PRKCA: variants seen among roughly 807,000 people sequenced by gnomAD.
PRKCA encodes the protein protein kinase C alpha type.
Under a neutral mutation model 87.0 loss-of-function variants are expected in PRKCA, and 27 were observed. That is an observed-to-expected ratio of 0.31 (90% CI 0.23 to 0.43). The LOEUF is 0.43. PRKCA is among the 20% of genes least tolerant of loss of function. PRKCA has a pLI of 1.00. For synonymous variants in PRKCA, 329 were observed against 311.1 expected (o/e 1.06, Z -0.61); for missense variants, 518 against 852.3 (o/e 0.61, Z 4.88).
At chr17:66,434,678 T>A (rs889867035) in intron 2 of PRKCA, among the ~76,000 whole-genome samples, 9 of 152,178 alleles carry the variant, frequency 5.9e-5, no homozygotes, top group Non-Finnish European at 1.3e-4. Context: ...AATGTGGCCT[T>A]GGAGTCAGAT....
intron 2 of PRKCA, among the ~76,000 whole-genome samples, chr17:66,386,813 A>C (rs1173295052): frequency 6.6e-6 from 1 of 151,872 alleles, no homozygotes; most frequent in East Asian, 1.9e-4. Context: ...TTTTCTTTTA[A>C]TGTAAGGCTT....
Position 66,323,705 on chromosome 17 carries a change from C to T in PRKCA, c.205+17578C>T, listed in dbSNP as rs532914235. On this transcript the variant is annotated intron_variant, in intron 2 of 16. Transcript: ENST00000413366. ...CTGTAATCCCAGCACTTTGGGAGTC[C>T]GAGGCGGGTGGATCACCTGAGGCCA... 6.6e-5 allele frequency among the ~76,000 whole-genome samples: 10 copies of T among 152,014 alleles called. No homozygotes were observed. The East Asian group carries it at 1.4e-3, about 21-fold the overall frequency.
intron 2 of PRKCA, among the ~76,000 whole-genome samples, chr17:66,388,878 C>T (rs141248383): frequency 2.0e-4 from 31 of 152,286 alleles, no homozygotes; most frequent in Non-Finnish European, 3.5e-4. Context: ...GCATTTTATA[C>T]TCCAGTACGT....
At chr17:66,698,056 A>C (rs374176076) in intron 8 of PRKCA, among the ~76,000 whole-genome samples, 85 of 152,332 alleles carry the variant, frequency 5.6e-4, no homozygotes, top group African/African-American at 2.0e-3. Flanking sequence ...GAAAAGGATT[A>C]AGAAAGTCTC....
chr17:66,636,883 A>C (rs1971163539), intron 3 of PRKCA, among the ~76,000 whole-genome samples: 1 of 151,834 alleles, frequency 6.6e-6, no homozygotes, highest in African/African-American at 2.4e-5. Flanking sequence ...CTCATAGGAG[A>C]CTCTCTTGTT....
At chr17:66,491,578 C>T (rs1204172214) in intron 2 of PRKCA, among the ~76,000 whole-genome samples, 1 of 152,138 alleles carries the variant, frequency 6.6e-6, no homozygotes, top group African/African-American at 2.4e-5. Context: ...TCCTTTGCTT[C>T]ATATACCATG....
At chr17:66,425,270 A>G (rs1056928619) in intron 2 of PRKCA, among the ~76,000 whole-genome samples, 2 of 151,094 alleles carry the variant, frequency 1.3e-5, no homozygotes, top group African/African-American at 4.9e-5. Context: ...TTCTTCTCCC[A>G]CCTCCACCAA....
intron 3 of PRKCA, among the ~76,000 whole-genome samples, chr17:66,542,906 A>G (rs77023248): frequency 0.021 from 3,172 of 152,316 alleles, 49 homozygotes; most frequent in Non-Finnish European, 0.029. Flanking sequence ...TGATGAGTCA[A>G]TGAGGTATTT....
intron 2 of PRKCA, among the ~76,000 whole-genome samples, chr17:66,470,271 A>G (rs1915265889): frequency 1.4e-5 from 2 of 138,912 alleles, no homozygotes; most frequent in Admixed American, 7.7e-5. Flanking sequence ...ATCTCGGTTC[A>G]CTGTAACCTC....
intron 2 of PRKCA, among the ~76,000 whole-genome samples, chr17:66,383,688 G>A (rs982785990): frequency 2.0e-5 from 3 of 152,092 alleles, no homozygotes; most frequent in African/African-American, 7.2e-5. Context: ...GGAAAATCCT[G>A]TCAAACTCTA....
chr17:66,727,169 G>A (rs1487589090), intron 8 of PRKCA, among the ~76,000 whole-genome samples: 4 of 150,672 alleles, frequency 2.7e-5, no homozygotes, highest in East Asian at 3.9e-4. Context: ...ATACTGCCAC[G>A]GGAAGGAATT....
At chr17:66,471,019 GT>G (rs201499980) in intron 2 of PRKCA, among the ~76,000 whole-genome samples, 10 of 144,464 alleles carry the variant, frequency 6.9e-5, no homozygotes, top group South Asian at 4.4e-4. Context: ...TTTTAGTTTA[GT>G]TTTTTTTTTA....
chr17:66,516,842 G>A (rs1966984892), intron 3 of PRKCA, among the ~76,000 whole-genome samples: 1 of 152,134 alleles, frequency 6.6e-6, no homozygotes, highest in African/African-American at 2.4e-5. Flanking sequence ...GGCTGAGGTG[G>A]CTTAACAAGA....
At chr17:66,775,138 G>A (rs923856507) in intron 14 of PRKCA, 3 of 972,384 alleles carry the variant, frequency 3.1e-6, no homozygotes, top group South Asian at 4.9e-5. Flanking sequence ...TGATGGATGC[G>A]AGAAGCCTGA....
rs1405222406 is a variant in PRKCA at position 66,587,891 on chromosome 17, GTGTGTATATATATA to G, written c.289-53462_289-53449del. On this transcript the variant is annotated intron_variant, in intron 3 of 16. Transcript: ENST00000413366. ...TGTATGTGTGTGTGTGTGTGTGTGT[GTGTGTATATATATA>G]TATATATATATATATATATATATAT... Among the ~76,000 whole-genome samples the G allele has an allele frequency of 2.3e-4, 20 of 87,138 alleles. 2 individuals are homozygous for G. Among genetic ancestry groups the G allele is most frequent in the South Asian group, 1.2e-3 (3 of 2,504 alleles). The allele number at this position is 87,138 out of a possible 152,430, so 57.2% of individuals were successfully genotyped here.
rs367908604 is a variant in PRKCA, at chr17:66,775,521, C to G, written c.1605+1454C>G. On this transcript the variant is annotated intron_variant, in intron 14 of 16. Transcript: ENST00000413366. ...CAGGCTTGGTAATCACCCAGCAGAT[C>G]TCTGCCTTATACTAAACATGATTCT... is the stretch of plus-strand genomic sequence containing the variant. 28 of 985,238 alleles carry G rather than the reference C, an allele frequency of 2.8e-5. 1 individual carries two copies. In the East Asian group the frequency reaches 1.5e-3, roughly 52 times the overall value. The allele number at this position is 985,238 out of a possible 1,614,324, so 61.0% of individuals were successfully genotyped here.
rs73328300 is a variant in PRKCA at position 66,692,651 on chromosome 17, T to C, written c.918+3604T>C. Among the ~76,000 whole-genome samples, 10 of 152,274 alleles carry C rather than the reference T, an allele frequency of 6.6e-5. 1 individual carries two copies. In the South Asian group the frequency reaches 2.1e-3, roughly 32 times the overall value. On this transcript the variant is annotated intron_variant, in intron 8 of 16. Coordinates refer to ENST00000413366, the MANE Select transcript of PRKCA (RefSeq NM_002737.3). ...TTTGAGCCCCCACCCCGTTTCCTCC[T>C]TTTCGGTCTGTAGCATGAGTGCTTC...
At chr17:66,518,750 T>C (rs1171417626) in intron 3 of PRKCA, among the ~76,000 whole-genome samples, 3 of 152,230 alleles carry the variant, frequency 2.0e-5, no homozygotes, top group Non-Finnish European at 1.5e-5. Flanking sequence ...AGAAAATTTT[T>C]AGTCTCCTAA....
At chr17:66,605,023 C>T (rs1970166333) in intron 3 of PRKCA, among the ~76,000 whole-genome samples, 1 of 152,112 alleles carries the variant, frequency 6.6e-6, no homozygotes, top group South Asian at 2.1e-4. Context: ...CCTCCATGAC[C>T]CCAAGGCTCC....
Sources: allele counts gnomAD v4.1 joint callset (sites outside exome capture counted in the v4.1 genomes callset), GRCh38; gene constraint gnomAD v4.1.1; transcripts MANE v1.5; gene names NCBI Gene and HGNC (gene_info 2026-07-23, HGNC 2026-07-21).